Variants in SRCIN1 observed in about 807,000 individuals in gnomAD.
SRCIN1 encodes the protein P130Cas-associated protein.
SRCIN1 carries 50 observed loss-of-function variants against 116.2 expected under a neutral mutation model. That is an observed-to-expected ratio of 0.43 (90% CI 0.34 to 0.54). The LOEUF (loss-of-function observed/expected upper bound fraction) is 0.54, where lower values mean the gene tolerates loss of function less well. Ranked by LOEUF, SRCIN1 falls within the 20% of genes least tolerant of loss-of-function variation. The pLI is 0.02. For synonymous variants in SRCIN1, 736 were observed against 750.0 expected (o/e 0.98, Z 0.30); for missense variants, 1,446 against 1,672.0 (o/e 0.86, Z 2.36).
Position 38,552,674 on chromosome 17 carries a change from C to G in SRCIN1, c.2332+51G>C. ...GGAGAGGATGGTGGCTGGAGTATGG[C>G]AGACTTCCCCACCCTGAACAACGTG... is the stretch of plus-strand genomic sequence containing the variant. On this transcript the variant is annotated intron_variant, in intron 12 of 18. Coordinates refer to ENST00000617146, the MANE Select transcript of SRCIN1 (RefSeq NM_025248.3). This position sits in a 1 kb window ranked among gnomAD's most constrained non-coding sequence, Gnocchi z 5.3. 3 of 1,613,158 alleles carry G rather than the reference C, an allele frequency of 1.9e-6. No homozygotes were observed. In the Admixed American group the frequency reaches 5.0e-5, roughly 27 times the overall value.
At chr17:38,564,977 A>G (rs1906586525) in intron 3 of SRCIN1, among the ~76,000 whole-genome samples, 1 of 152,164 alleles carries the variant, frequency 6.6e-6, no homozygotes, top group African/African-American at 2.4e-5. Context: ...CTGATGTGAC[A>G]CACATGTGCC....
chr17:38,600,714 G>A (rs1054759191), intron 1 of SRCIN1, among the ~76,000 whole-genome samples: 4 of 152,226 alleles, frequency 2.6e-5, no homozygotes, highest in Non-Finnish European at 5.9e-5. Flanking sequence ...TCAGGCCTCC[G>A]TGGGGTTCTG....
chr17:38,603,357 T>G (rs1242034403), intron 1 of SRCIN1, among the ~76,000 whole-genome samples: 1 of 151,642 alleles, frequency 6.6e-6, no homozygotes, highest in Non-Finnish European at 1.5e-5. Flanking sequence ...CCCTCCGCAT[T>G]AGGCAAGGAG....
chr17:38,605,706 C>T lies in SRCIN1; in HGVS notation c.-1G>A. 1 of 1,075,114 alleles carries T rather than the reference C, an allele frequency of 9.3e-7. No homozygotes were observed. The highest frequency in any genetic ancestry group is 1.1e-6 in the Non-Finnish European group (1 of 870,712). The allele number at this position is 1,075,114 out of a possible 1,614,324, so 66.6% of individuals were successfully genotyped here. A position where few individuals can be genotyped will look rare whatever the true frequency, so the allele number is the denominator to read the frequency against. On this transcript the variant is annotated 5_prime_UTR_variant, in exon 1 of 19. Coordinates refer to ENST00000617146, the MANE Select transcript of SRCIN1 (RefSeq NM_025248.3). ...TGCCTTGGGACGGAGCGTTCCCCATCGGGCGGGGGCGCGGGGGGCGGGGGC... is the reference window on the plus strand; with the variant it reads ...TGCCTTGGGACGGAGCGTTCCCCATTGGGCGGGGGCGCGGGGGGCGGGGGC...
At chr17:38,584,482 G>A (rs969442501) in intron 1 of SRCIN1, among the ~76,000 whole-genome samples, 2 of 152,258 alleles carry the variant, frequency 1.3e-5, no homozygotes, top group Non-Finnish European at 2.9e-5. Flanking sequence ...TGGGAAACGC[G>A]GAAGGTGAAA....
chr17:38,587,619 C>G (rs1021901212), intron 1 of SRCIN1, among the ~76,000 whole-genome samples: 1 of 152,086 alleles, frequency 6.6e-6, no homozygotes, highest in Non-Finnish European at 1.5e-5. Flanking sequence ...CACGATGCCA[C>G]TTCCCAGAAA....
rs959245834 is a variant in SRCIN1, at chr17:38,563,179, G to A, written c.740+144C>T. Reference sequence around the variant, plus strand: ...TGGGGGCTGAGATGGCCGAGGAAGGGGGCGGGGCGGTAGGGCTCTGGGAGG... The same window carrying A: ...TGGGGGCTGAGATGGCCGAGGAAGGAGGCGGGGCGGTAGGGCTCTGGGAGG... On this transcript the variant is annotated intron_variant, in intron 5 of 18. Transcript: ENST00000617146. This position sits in a 1 kb window ranked among gnomAD's most constrained non-coding sequence, Gnocchi z 5.8. 1 of 923,052 alleles carries A rather than the reference G, an allele frequency of 1.1e-6. No homozygotes were observed. Among genetic ancestry groups the A allele is most frequent in the Non-Finnish European group, 1.6e-6 (1 of 618,392 alleles). 57.2% of individuals were successfully genotyped at this position (923,052 alleles called of 1,614,324 possible).
intron 15 of SRCIN1, 100 bp from the exon 16 acceptor site, chr17:38,549,310 G>C: frequency 1.7e-6 from 2 of 1,193,240 alleles, no homozygotes; most frequent in Non-Finnish European, 2.2e-6. Context: ...TTCCTCCAGG[G>C]AGGACCAGGA....
At chr17:38,590,111 T>G (rs1255959542) in intron 1 of SRCIN1, among the ~76,000 whole-genome samples, 2 of 152,192 alleles carry the variant, frequency 1.3e-5, no homozygotes, top group African/African-American at 4.8e-5. Context: ...CTGTCTCCCC[T>G]TCTGCGAAAG....
At chr17:38,577,608 G>A (rs1392219931) in intron 2 of SRCIN1, among the ~76,000 whole-genome samples, 2 of 152,136 alleles carry the variant, frequency 1.3e-5, no homozygotes, top group African/African-American at 2.4e-5. Context: ...CCTCCCCTCA[G>A]TCCCTTCACC....
At chr17:38,564,356 C>G in intron 3 of SRCIN1, 43 bp from the exon 4 acceptor site, 1 of 1,442,036 alleles carries the variant, frequency 6.9e-7, no homozygotes, top group Non-Finnish European at 9.1e-7. Flanking sequence ...GGATGAGCAC[C>G]CCCCCTCCCC....
chr17:38,599,057 C>A (rs1030876280), intron 1 of SRCIN1, among the ~76,000 whole-genome samples: 9 of 151,938 alleles, frequency 5.9e-5, no homozygotes, highest in Non-Finnish European at 1.0e-4. Context: ...GCCAAATCCC[C>A]ATTTTTTTTT....
chr17:38,579,149 C>G (rs8072949), intron 1 of SRCIN1, among the ~76,000 whole-genome samples: 12,148 of 152,258 alleles, frequency 0.08, 1,590 homozygotes, highest in African/African-American at 0.27. Flanking sequence ...TCCAGCCACA[C>G]AACCCCCTCC....
chr17:38,601,435 G>A (rs1056975986), intron 1 of SRCIN1, among the ~76,000 whole-genome samples: 4 of 152,202 alleles, frequency 2.6e-5, no homozygotes, highest in African/African-American at 9.7e-5. Context: ...GTGAGGGGCA[G>A]TGCAAGGGCA....
intron 1 of SRCIN1, among the ~76,000 whole-genome samples, chr17:38,584,894 T>G (rs942333415): frequency 6.6e-6 from 1 of 151,720 alleles, no homozygotes; most frequent in African/African-American, 2.4e-5. Flanking sequence ...ATGGACAAAG[T>G]AGAGGAAGAA....
At chr17:38,592,117 C>T (rs1391116331) in intron 1 of SRCIN1, among the ~76,000 whole-genome samples, 9 of 152,374 alleles carry the variant, frequency 5.9e-5, no homozygotes, top group Admixed American at 5.2e-4. Flanking sequence ...GGCTCCCCCA[C>T]CCTCAGCTGC....
In SRCIN1 at chr17:38,532,087, G is replaced by C. The variant is rs1446733925; in HGVS notation, c.*1210C>G. 1 of 152,294 alleles carries C rather than the reference G, an allele frequency of 6.6e-6. No homozygotes were observed. Among genetic ancestry groups the C allele is most frequent in the Non-Finnish European group, 1.5e-5 (1 of 68,062 alleles). The allele number at this position is 152,294 out of a possible 1,614,324, so 9.4% of individuals were successfully genotyped here. A position where few individuals can be genotyped will look rare whatever the true frequency, so the allele number is the denominator to read the frequency against. ...GCCAACCGCCTCTGCAGGGCAGGCA[G>C]GGCGTCCACAGGCCAGGGGCGCTGG... On this transcript the variant is annotated 3_prime_UTR_variant, in exon 19 of 19. Coordinates refer to ENST00000617146, the MANE Select transcript of SRCIN1 (RefSeq NM_025248.3). The surrounding 1 kb of genome is among the most constrained non-coding windows in gnomAD (Gnocchi z 4.3).
intron 1 of SRCIN1, among the ~76,000 whole-genome samples, chr17:38,581,405 CAAAAAAA>C (rs1313727690): frequency 8.9e-5 from 5 of 56,158 alleles, no homozygotes; most frequent in Non-Finnish European, 1.2e-4. Flanking sequence ...AACTCTGTCT[CAAAAAAA>C]AAAAAAGAAA....
chr17:38,570,854 T>C (rs1907037120), intron 2 of SRCIN1, among the ~76,000 whole-genome samples: 1 of 152,182 alleles, frequency 6.6e-6, no homozygotes, highest in Admixed American at 6.5e-5. Flanking sequence ...CCTCAAAGGA[T>C]AAAGATGGAA....
Sources: allele counts gnomAD v4.1 joint callset (sites outside exome capture counted in the v4.1 genomes callset), GRCh38; gene constraint gnomAD v4.1.1; non-coding constraint Gnocchi (gnomAD v3.1); transcripts MANE v1.5; gene names NCBI Gene and HGNC (gene_info 2026-07-23, HGNC 2026-07-21).